The following LIN7A variants were observed in gnomAD, a reference collection of about 807,000 sequenced individuals.
The protein encoded by LIN7A is lin-7 cell polarity scaffold A, also known as protein lin-7 homolog A.
Under a neutral mutation model 29.8 loss-of-function variants are expected in LIN7A, and 25 were observed. The observed-to-expected ratio is 0.84, with a 90% CI of 0.61 to 1.17. The LOEUF (loss-of-function observed/expected upper bound fraction) is 1.17. LIN7A is among the 50% of genes most tolerant of loss of function. The pLI is 0.00. For missense variants in LIN7A, 239 were observed against 287.0 expected (o/e 0.83, Z 1.21); for synonymous variants, 118 against 107.5 (o/e 1.10, Z -0.60).
intron 2 of LIN7A, among the ~76,000 whole-genome samples, chr12:80,851,812 A>C (rs1307760767): frequency 2.0e-5 from 3 of 152,200 alleles, no homozygotes; most frequent in Non-Finnish European, 2.9e-5. Context: ...GTGTAAGCCA[A>C]ATAATTCATA....
chr12:80,845,415 T>C, intron 4 of LIN7A: 1 of 238,216 alleles, frequency 4.2e-6, no homozygotes, highest in Non-Finnish European at 7.9e-6. Flanking sequence ...TAACTTAGGA[T>C]AAAAAGTATC....
chr12:80,853,763 C>G (rs933848078), intron 2 of LIN7A, among the ~76,000 whole-genome samples: 3 of 152,148 alleles, frequency 2.0e-5, no homozygotes, highest in Admixed American at 1.3e-4. Flanking sequence ...GTGGCACTAT[C>G]TCGTCTCACT....
chr12:80,921,247 T>A (rs918614871), intron 1 of LIN7A, among the ~76,000 whole-genome samples: 1 of 151,986 alleles, frequency 6.6e-6, no homozygotes, highest in Non-Finnish European at 1.5e-5. Flanking sequence ...GGTACCTTGA[T>A]TTTGGAATTC....
chr12:80,857,379 A>G (rs1873655701), intron 2 of LIN7A, among the ~76,000 whole-genome samples: 1 of 152,094 alleles, frequency 6.6e-6, no homozygotes, highest in Non-Finnish European at 1.5e-5. Context: ...TGGCCCTTGT[A>G]TCTGGCTTCC....
At chr12:80,892,722 G>A (rs1431821152) in intron 1 of LIN7A, among the ~76,000 whole-genome samples, 3 of 152,052 alleles carry the variant, frequency 2.0e-5, no homozygotes, top group South Asian at 4.1e-4. Flanking sequence ...TGCCTAGGTC[G>A]GTCCCACCTG....
chr12:80,908,250 T>C (rs1876583210), intron 1 of LIN7A, among the ~76,000 whole-genome samples: 1 of 152,088 alleles, frequency 6.6e-6, no homozygotes, highest in South Asian at 2.1e-4. Flanking sequence ...TAAAAATAGA[T>C]TGCTATATAT....
chr12:80,895,759 T>G (rs1288583697), intron 1 of LIN7A, among the ~76,000 whole-genome samples: 4 of 152,204 alleles, frequency 2.6e-5, no homozygotes, highest in Admixed American at 2.6e-4. Context: ...TTCCCCTTTC[T>G]TTTGACAGAT....
intron 4 of LIN7A, among the ~76,000 whole-genome samples, chr12:80,820,409 G>A (rs1871742030): frequency 6.6e-6 from 1 of 152,076 alleles, no homozygotes; most frequent in Admixed American, 6.6e-5. Flanking sequence ...CTGAAAACGA[G>A]CAAAAAAGCT....
chr12:80,841,157 G>T (rs1391643377), intron 4 of LIN7A, among the ~76,000 whole-genome samples: 1 of 151,990 alleles, frequency 6.6e-6, no homozygotes. Flanking sequence ...TCTTCTCTGG[G>T]TGAGCTTATT....
At chr12:80,901,021 T>A (rs982011443) in intron 1 of LIN7A, among the ~76,000 whole-genome samples, 1 of 152,170 alleles carries the variant, frequency 6.6e-6, no homozygotes, top group Non-Finnish European at 1.5e-5. Flanking sequence ...TTAAGCTTTC[T>A]GGGGAAGATA....
chr12:80,919,613 C>A (rs1328196691), intron 1 of LIN7A, among the ~76,000 whole-genome samples: 1 of 152,298 alleles, frequency 6.6e-6, no homozygotes, highest in Admixed American at 6.5e-5. Flanking sequence ...AAGCCAAAAA[C>A]CCTCTATCCC....
intron 2 of LIN7A, among the ~76,000 whole-genome samples, chr12:80,862,675 A>G (rs1346255677): frequency 2.0e-5 from 3 of 152,218 alleles, no homozygotes; most frequent in Non-Finnish European, 4.4e-5. Context: ...CTTCAGCACT[A>G]TGATGAGGGG....
chr12:80,842,077 C>T, intron 4 of LIN7A: 1 of 1,286,742 alleles, frequency 7.8e-7, no homozygotes, highest in Non-Finnish European at 1.0e-6. Flanking sequence ...TTTTCTCTCC[C>T]AATGATTGCT....
At chr12:80,811,390 T>C (rs374043500) in intron 5 of LIN7A, 75 bp downstream of exon 5, 1 of 530,156 alleles carries the variant, frequency 1.9e-6, no homozygotes, top group East Asian at 3.2e-5. Context: ...ATATTTTAAG[T>C]ATATTCATAT....
At chr12:80,839,661 G>A (rs1164682210) in intron 4 of LIN7A, among the ~76,000 whole-genome samples, 1 of 152,126 alleles carries the variant, frequency 6.6e-6, no homozygotes, top group Non-Finnish European at 1.5e-5. Flanking sequence ...TCCCCTCTGG[G>A]ATGCTGTAGC....
chr12:80,908,285 T>A (rs1876585138), intron 1 of LIN7A, among the ~76,000 whole-genome samples: 1 of 152,084 alleles, frequency 6.6e-6, no homozygotes, highest in Admixed American at 6.6e-5. Context: ...ACCGTAAGAA[T>A]GATTCCAACA....
At chr12:80,843,488 G>A (rs139789376) in intron 4 of LIN7A, among the ~76,000 whole-genome samples, 18 of 152,202 alleles carry the variant, frequency 1.2e-4, no homozygotes, top group African/African-American at 4.1e-4. Context: ...GCTAATTAAC[G>A]TTTGCTAACA....
chr12:80,819,281 A>T (rs1224624955), intron 4 of LIN7A, among the ~76,000 whole-genome samples: 1 of 152,206 alleles, frequency 6.6e-6, no homozygotes. Context: ...ATGATGTTTC[A>T]TCTTTCCCTT....
chr12:80,805,515 C>A (rs957514186), intron 5 of LIN7A, among the ~76,000 whole-genome samples: 1 of 152,080 alleles, frequency 6.6e-6, no homozygotes, highest in Non-Finnish European at 1.5e-5. Flanking sequence ...ATTCTCCACC[C>A]TAGATCTAGC....
Sources: gnomAD v4.1 joint callset for allele counts (sites outside exome capture counted in the v4.1 genomes callset) on GRCh38, gnomAD v4.1.1 for gene constraint, MANE v1.5 for transcripts, NCBI Gene and HGNC (gene_info 2026-07-23, HGNC 2026-07-21) for gene names.